Variants in TNS1 observed in about 807,000 individuals in gnomAD.
The protein encoded by TNS1 is tensin-1.
In TNS1, 62 loss-of-function variants were observed where a neutral mutation model predicts 168.6. The ratio of observed to expected loss-of-function variants is 0.37; its 90% CI spans 0.30 to 0.45. The LOEUF (loss-of-function observed/expected upper bound fraction) is 0.45. Among genes scored for constraint, TNS1 ranks in the 20% least tolerant of loss-of-function variants. The pLI is 1.00. For synonymous variants in TNS1, 934 were observed against 933.2 expected, an observed-to-expected ratio of 1.00 and a Z score of -0.02; for missense variants, 2,240 against 2,339.4, an observed-to-expected ratio of 0.96 and a Z score of 0.88.
chr2:217,974,512 A>G (rs996948628), intron 3 of TNS1, among the ~76,000 whole-genome samples: 5 of 152,162 alleles, frequency 3.3e-5, no homozygotes, highest in Non-Finnish European at 7.3e-5. Context: ...CTGGGGTGGA[A>G]CCTAGCTCTC....
At chr2:217,853,765 G>A (rs985691702) in intron 18 of TNS1, among the ~76,000 whole-genome samples, 2 of 152,174 alleles carry the variant, frequency 1.3e-5, no homozygotes, top group Non-Finnish European at 2.9e-5. Context: ...TAATCCAGAT[G>A]CACGAGTCAT....
At chr2:217,957,140 C>T (rs761431875) in intron 3 of TNS1, among the ~76,000 whole-genome samples, 40 of 152,192 alleles carry the variant, frequency 2.6e-4, no homozygotes, top group Non-Finnish European at 5.0e-4. Context: ...CAGGGCGGCC[C>T]GCCCCCACCC....
chr2:217,943,999 T>C (rs1307151952), intron 3 of TNS1: 1 of 152,960 alleles, frequency 6.5e-6, no homozygotes, highest in Non-Finnish European at 1.5e-5. Flanking sequence ...AGGCAGCGAG[T>C]GAGCCTGTGT....
intron 8 of TNS1, among the ~76,000 whole-genome samples, chr2:217,896,057 T>G (rs1345655710): frequency 6.6e-6 from 1 of 152,252 alleles, no homozygotes; most frequent in African/African-American, 2.4e-5. Context: ...TTAAGGACTT[T>G]ACATCTAACA....
intron 1 of TNS1, among the ~76,000 whole-genome samples, chr2:218,020,359 C>T (rs771314186): frequency 3.6e-4 from 55 of 152,104 alleles, no homozygotes; most frequent in Admixed American, 6.5e-4. Context: ...CTAAGGACCC[C>T]TCCAGCCTTG....
intron 8 of TNS1, among the ~76,000 whole-genome samples, chr2:217,897,238 C>G (rs1221456964): frequency 6.6e-6 from 1 of 152,180 alleles, no homozygotes; most frequent in Non-Finnish European, 1.5e-5. Flanking sequence ...CCGCCAGCAC[C>G]TCTCTCCCGT....
In TNS1 at chr2:218,033,640, A is replaced by G. The variant is rs183198554; in HGVS notation, c.156+180T>C. Among the ~76,000 whole-genome samples the G allele has an allele frequency of 6.6e-6, 1 of 152,006 alleles. No individual in the cohort carries two copies. Among genetic ancestry groups the G allele is most frequent in the Non-Finnish European group, 1.5e-5 (1 of 67,982 alleles). On this transcript the variant is annotated intron_variant, in intron 1 of 1. Transcript: ENST00000649572. The surrounding 1 kb of genome is among the most constrained non-coding windows in gnomAD (Gnocchi z 4.3). ...CCAGGGGAGCCCTCTACCCAACTGG[A>G]GGCCCCTTCACCCGGTCGTGGTCCT...
At chr2:217,915,514 G>A (rs959376691) in intron 4 of TNS1, among the ~76,000 whole-genome samples, 2 of 152,204 alleles carry the variant, frequency 1.3e-5, no homozygotes, top group African/African-American at 4.8e-5. Context: ...GCACTGAGGG[G>A]TCCTAAGCCC....
At chr2:218,023,154 G>A (rs1958823471) in intron 1 of TNS1, among the ~76,000 whole-genome samples, 2 of 152,228 alleles carry the variant, frequency 1.3e-5, no homozygotes, top group African/African-American at 2.4e-5. Context: ...TTGAGAACAA[G>A]AGGAAGCCCT....
At chr2:218,019,944 C>T (rs1346655430) in intron 1 of TNS1, among the ~76,000 whole-genome samples, 2 of 152,130 alleles carry the variant, frequency 1.3e-5, no homozygotes, top group African/African-American at 4.8e-5. Context: ...CCCCACTCCC[C>T]GGCTGCAGCC....
rs746718057 is a variant in TNS1, at chr2:217,804,556, G to T, written c.5423C>A (p.Ala1808Asp). ...ARKQGSTTDN[A>D]CHLFAELDPN... ...GTCAAGCTCAGCAAAGAGGTGGCAG[G>T]CGTTGTCCGTGGTGCTGCCCTGCTT... The change falls in exon 33 of 33, where the codon GCC (alanine) becomes GAC (aspartate). Residue 1808 changes from alanine to aspartate, a missense_variant. Physicochemically the swap from Ala to Asp is moderately radical, Grantham distance 126. Transcript: ENST00000682258. 2.7e-5 allele frequency: 44 copies of T among 1,614,174 alleles called. No individual in the cohort carries two copies. The highest frequency in any genetic ancestry group is 3.5e-5 in the Non-Finnish European group (41 of 1,179,998).
At chr2:217,956,120 A>T (rs900888580) in intron 3 of TNS1, among the ~76,000 whole-genome samples, 1 of 152,164 alleles carries the variant, frequency 6.6e-6, no homozygotes, top group Non-Finnish European at 1.5e-5. Context: ...AGGGGTCAAG[A>T]GGATGGGGTC....
In TNS1 at chr2:217,885,800, G is replaced by C. The variant is rs1951138328; in HGVS notation, c.1060C>G (p.Gln354Glu). 2 of 1,614,168 alleles carry C rather than the reference G, an allele frequency of 1.2e-6. No homozygotes were observed. Among genetic ancestry groups the C allele is most frequent in the East Asian group, 4.5e-5 (2 of 44,878 alleles). Residue 354 changes from glutamine to glutamate, a missense_variant, in exon 15 of 33, where the codon CAG becomes GAG. Coordinates refer to ENST00000682258, the MANE Select transcript of TNS1 (RefSeq NM_001387777.1). ...TCGATGGTGATGCAGACGCTAGTCT[G>C]GCTGTCTCCTGGGATGTTGCTAAGG... ...SGIYNIPGDS[Q>E]TSVCITIEPG...
At chr2:217,819,112 G>C (rs1942416755) in intron 23 of TNS1, among the ~76,000 whole-genome samples, 1 of 152,226 alleles carries the variant, frequency 6.6e-6, no homozygotes, top group African/African-American at 2.4e-5. Context: ...TGGCTGTCAT[G>C]TTATAGCCTC....
intron 3 of TNS1, among the ~76,000 whole-genome samples, chr2:217,962,594 T>C (rs1363915374): frequency 6.6e-6 from 1 of 152,116 alleles, no homozygotes; most frequent in East Asian, 1.9e-4. Flanking sequence ...TACTGACAAA[T>C]AAATAATGGA....
intron 1 of TNS1, among the ~76,000 whole-genome samples, chr2:218,002,405 C>A (rs1261670759): frequency 6.6e-6 from 1 of 152,214 alleles, no homozygotes; most frequent in African/African-American, 2.4e-5. Context: ...ATATTTTGGA[C>A]TACTATTCTT....
chr2:218,021,845 G>C (rs1262832892), intron 1 of TNS1, among the ~76,000 whole-genome samples: 2 of 152,238 alleles, frequency 1.3e-5, no homozygotes, highest in South Asian at 4.1e-4. Context: ...TTTTTAGCCA[G>C]GACCCAGCAG....
intron 3 of TNS1, among the ~76,000 whole-genome samples, chr2:217,933,303 A>G (rs1040780821): frequency 4.6e-5 from 7 of 152,178 alleles, no homozygotes; most frequent in Admixed American, 1.3e-4. Context: ...GAGAGATTTT[A>G]AACGGATAGA....
intron 18 of TNS1, among the ~76,000 whole-genome samples, chr2:217,869,590 G>A (rs1949590700): frequency 6.6e-6 from 1 of 152,166 alleles, no homozygotes; most frequent in South Asian, 2.1e-4. Context: ...GTCTCCCCAG[G>A]CGGCCACATG....
Sources: gnomAD v4.1 joint callset for allele counts (sites outside exome capture counted in the v4.1 genomes callset) on GRCh38, gnomAD v4.1.1 for gene constraint, Gnocchi (gnomAD v3.1) non-coding constraint, MANE v1.5 for transcripts, NCBI Gene and HGNC (gene_info 2026-07-23, HGNC 2026-07-21) for gene names.